The following BRSK2 variants were observed in gnomAD, a reference collection of about 807,000 sequenced individuals.
The protein encoded by BRSK2 is BR serine/threonine kinase 2.
A neutral mutation model predicts 83.3 loss-of-function variants in BRSK2; 19 were observed. That is an observed-to-expected ratio of 0.23 (90% CI 0.16 to 0.33). The LOEUF (loss-of-function observed/expected upper bound fraction) is 0.33. Ranked by LOEUF, BRSK2 falls within the 10% of genes least tolerant of loss-of-function variation. BRSK2 has a pLI of 1.00. For missense variants in BRSK2, 798 were observed against 1,042.3 expected (o/e 0.77, Z 3.23); for synonymous variants, 519 against 435.4 (o/e 1.19, Z -2.39).
At chr11:1,427,016 C>T (rs924046661) in intron 1 of BRSK2, among the ~76,000 whole-genome samples, 9 of 152,126 alleles carry the variant, frequency 5.9e-5, no homozygotes, top group African/African-American at 1.7e-4. Context: ...TGCGCGGGGT[C>T]CTTCCCCAGT....
In BRSK2 at chr11:1,445,463, G is replaced by A. The variant is rs1851900855; in HGVS notation, c.977+5G>A. On this transcript the variant is annotated splice_donor_5th_base_variant and intron_variant, in intron 10 of 19. Coordinates refer to ENST00000528841, the MANE Select transcript of BRSK2 (RefSeq NM_001256627.2). ...GCAGGACCTGCTGTCCGAGGAGTGC[G>A]TCTGGGGCTGCTCCCGGGTGGGGCA... 1 of 1,611,390 alleles carries A rather than the reference G, an allele frequency of 6.2e-7. No individual in the cohort carries two copies. Among genetic ancestry groups the A allele is most frequent in the Non-Finnish European group, 8.5e-7 (1 of 1,179,518 alleles).
At chr11:1,400,164 C>T (rs533709012) in intron 1 of BRSK2, among the ~76,000 whole-genome samples, 23 of 152,214 alleles carry the variant, frequency 1.5e-4, no homozygotes, top group Non-Finnish European at 2.8e-4. Flanking sequence ...CCTGGGCCTC[C>T]GCCGCCAGCC....
chr11:1,443,065 G>A (rs1218551177), intron 5 of BRSK2, 41 bp from the exon 6 acceptor site: 1 of 1,522,582 alleles, frequency 6.6e-7, no homozygotes, highest in Admixed American at 2.0e-5. Context: ...GGGCCTGGCA[G>A]CGCCCGGAGC....
intron 1 of BRSK2, among the ~76,000 whole-genome samples, chr11:1,403,990 C>T (rs1357666915): frequency 6.6e-6 from 1 of 152,182 alleles, no homozygotes; most frequent in Non-Finnish European, 1.5e-5. Context: ...ATGGGGTGAG[C>T]CTGGCCTGGA....
At chr11:1,456,766 T>C in intron 18 of BRSK2, 79 bp downstream of exon 18, 2 of 1,454,884 alleles carry the variant, frequency 1.4e-6, no homozygotes, top group South Asian at 2.5e-5. Flanking sequence ...ACGGGAGGCG[T>C]GAGGACCCGG....
intron 12 of BRSK2, among the ~76,000 whole-genome samples, chr11:1,448,458 C>T (rs1028187933): frequency 2.6e-5 from 4 of 152,338 alleles, no homozygotes; most frequent in South Asian, 4.1e-4. Context: ...GGGCTGGCGC[C>T]GTCTCTCCTG....
intron 1 of BRSK2, among the ~76,000 whole-genome samples, chr11:1,413,347 A>G (rs1473174938): frequency 2.1e-5 from 3 of 144,414 alleles, no homozygotes; most frequent in Non-Finnish European, 3.1e-5. Context: ...TGCAGGGGCC[A>G]CGGGGAGACT....
intron 1 of BRSK2, among the ~76,000 whole-genome samples, chr11:1,394,197 C>G (rs1845914343): frequency 9.1e-6 from 1 of 109,860 alleles, no homozygotes; most frequent in South Asian, 3.6e-4. Context: ...GGAGATGGGC[C>G]ATGGAGATGG....
At position 1,390,859 on chromosome 11, in the gene BRSK2, C is replaced by T. The variant is rs1401794740; in HGVS notation, c.91+484C>T. 1.3e-5 allele frequency among the ~76,000 whole-genome samples: 2 copies of T among 152,296 alleles called. No homozygotes were observed. Among genetic ancestry groups the T allele is most frequent in the South Asian group, 2.1e-4 (1 of 4,834 alleles). ...ACCGGGGCCTCCGGGCAGGCCCGAT[C>T]TCCCTCCGCGGTGGGGGCGGGAGAG... is the stretch of plus-strand genomic sequence containing the variant. On this transcript the variant is annotated intron_variant, in intron 1 of 19. Coordinates refer to ENST00000528841, the MANE Select transcript of BRSK2 (RefSeq NM_001256627.2). The surrounding 1 kb of genome is among the most constrained non-coding windows in gnomAD (Gnocchi z 6.8).
chr11:1,410,626 C>T (rs1185838748), intron 1 of BRSK2: 1 of 985,392 alleles, frequency 1.0e-6, no homozygotes, highest in East Asian at 1.1e-4. Context: ...CACACTGTGT[C>T]TTTGAGGGCT....
rs746819358 is a variant in BRSK2, at chr11:1,411,492, A to G, written c.91+21117A>G. 1.1e-5 allele frequency: 16 copies of G among 1,484,538 alleles called. No homozygotes were observed. In the Admixed American group the frequency reaches 3.7e-4, roughly 34 times the overall value. 92.0% of individuals were successfully genotyped at this position (1,484,538 alleles called of 1,614,324 possible). ...CTCCCTCTGCTCCCCAAGAGAGCCC[A>G]GGTCTGGCCCAGCGGTGGGCAGGGG... On this transcript the variant is annotated intron_variant, in intron 1 of 19. Transcript: ENST00000528841.
intron 1 of BRSK2, among the ~76,000 whole-genome samples, chr11:1,403,468 G>GC (rs1164999768): frequency 3.9e-5 from 6 of 152,222 alleles, no homozygotes; most frequent in Non-Finnish European, 8.8e-5. Flanking sequence ...CCTGGTCTCA[G>GC]CCCCCTCTCT....
At chr11:1,428,362 G>A (rs971293739) in intron 1 of BRSK2, among the ~76,000 whole-genome samples, 16 of 152,144 alleles carry the variant, frequency 1.1e-4, no homozygotes, top group African/African-American at 3.6e-4. Context: ...CATCCCCTCC[G>A]TAACCTCCTC....
intron 1 of BRSK2, among the ~76,000 whole-genome samples, chr11:1,391,993 T>G (rs891085684): frequency 6.6e-6 from 1 of 151,904 alleles, no homozygotes; most frequent in Non-Finnish European, 1.5e-5. Flanking sequence ...GTCTACAACG[T>G]GCTGAGAGAG....
chr11:1,447,448 C>T lies in BRSK2; in HGVS notation c.1226+1541C>T, dbSNP rs536647307. Among the ~76,000 whole-genome samples the T allele has an allele frequency of 5.7e-3, 861 of 152,328 alleles. 13 individuals are homozygous for T. Among genetic ancestry groups the T allele is most frequent in the African/African-American group, 0.02 (821 of 41,574 alleles). On this transcript the variant is annotated intron_variant, in intron 12 of 19. Coordinates refer to ENST00000528841, the MANE Select transcript of BRSK2 (RefSeq NM_001256627.2). Reference sequence around the variant, plus strand: ...GGATGGGCCAGGCCATGGACCATTCCGGGGCCTCTGGAAGGCCACTAGTCC... The same window carrying T: ...GGATGGGCCAGGCCATGGACCATTCTGGGGCCTCTGGAAGGCCACTAGTCC...
chr11:1,439,299 A>T (rs1361546150), intron 3 of BRSK2, among the ~76,000 whole-genome samples: 4 of 151,930 alleles, frequency 2.6e-5, no homozygotes, highest in African/African-American at 9.7e-5. Context: ...CGTGGGGAGC[A>T]TGTGCAGGTG....
chr11:1,434,141 G>A (rs913619995), intron 1 of BRSK2, among the ~76,000 whole-genome samples: 1 of 152,270 alleles, frequency 6.6e-6, no homozygotes, highest in Non-Finnish European at 1.5e-5. Context: ...ACGAGAACAG[G>A]AAAGGAGCCC....
At chr11:1,443,683 C>T (rs778873341) in intron 8 of BRSK2, 48 bp downstream of exon 8, 77 of 1,488,448 alleles carry the variant, frequency 5.2e-5, no homozygotes, top group Middle Eastern at 2.1e-4. Flanking sequence ...CGGGGGGGCG[C>T]GGGGGCGGGC....
At chr11:1,429,417 C>T (rs1365154733) in intron 1 of BRSK2, among the ~76,000 whole-genome samples, 2 of 93,888 alleles carry the variant, frequency 2.1e-5, no homozygotes, top group Non-Finnish European at 4.2e-5. Context: ...GGTGTGCACG[C>T]ATGGAGGTAT....
Sources: allele counts gnomAD v4.1 joint callset (sites outside exome capture counted in the v4.1 genomes callset), GRCh38; gene constraint gnomAD v4.1.1; non-coding constraint Gnocchi (gnomAD v3.1); transcripts MANE v1.5; gene names NCBI Gene and HGNC (gene_info 2026-07-23, HGNC 2026-07-21).